SPMAP2L: variants seen among roughly 807,000 people sequenced by gnomAD.
SPMAP2L encodes sperm microtubule associated protein 2 like, also known as sperm microtubule associated protein 2-like.
At chr4:56,543,893 A>AGTGTGT in the SPMAP2L span, among the ~76,000 whole-genome samples, 5 of 132,378 alleles carry the variant, frequency 3.8e-5, no homozygotes, top group African/African-American at 1.3e-4. Flanking sequence ...AGAGAGAGAG[A>AGTGTGT]GAGTGTGTGT....
chr4:56,552,675 G>A, the SPMAP2L span: 5 of 918,634 alleles, frequency 5.4e-6, no homozygotes, highest in Admixed American at 4.0e-5. Context: ...AAACAGGTAA[G>A]TATTATTTAT....
the SPMAP2L span, among the ~76,000 whole-genome samples, chr4:56,549,522 G>T: frequency 6.6e-6 from 1 of 152,206 alleles, no homozygotes; most frequent in Non-Finnish European, 1.5e-5. Context: ...AAAAGTATAT[G>T]TGTACATGTG....
the SPMAP2L span, among the ~76,000 whole-genome samples, chr4:56,553,180 CTTTTTTTTTTTTTTT>C: frequency 1.7e-4 from 5 of 29,992 alleles, no homozygotes; most frequent in Non-Finnish European, 2.3e-4. Flanking sequence ...TCTCCTATTG[CTTTTTTTTTTTTTTT>C]TTTTTTTTTT....
chr4:56,619,868 T>TA, the SPMAP2L span, among the ~76,000 whole-genome samples: 20 of 147,978 alleles, frequency 1.4e-4, no homozygotes, highest in Non-Finnish European at 2.4e-4. Flanking sequence ...AACTCAATAC[T>TA]AAAAAAACAA....
At chr4:56,545,200 A>G in the SPMAP2L span, among the ~76,000 whole-genome samples, 1 of 152,212 alleles carries the variant, frequency 6.6e-6, no homozygotes, top group Non-Finnish European at 1.5e-5. Flanking sequence ...TTTCCCTGGT[A>G]GAAAGCTCTG....
At chr4:56,575,824 T>C in the SPMAP2L span, among the ~76,000 whole-genome samples, 2 of 152,186 alleles carry the variant, frequency 1.3e-5, no homozygotes, top group South Asian at 2.1e-4. Flanking sequence ...TCTTCGGTAA[T>C]TACATTTGAC....
At chr4:56,606,201 A>T in the SPMAP2L span, among the ~76,000 whole-genome samples, 1 of 152,344 alleles carries the variant, frequency 6.6e-6, no homozygotes. Context: ...ACCAAAGAGG[A>T]TACAGGAAGA....
At chr4:56,598,411 C>T in the SPMAP2L span, among the ~76,000 whole-genome samples, 4 of 152,064 alleles carry the variant, frequency 2.6e-5, no homozygotes, top group African/African-American at 9.7e-5. Context: ...AGTCAATAAA[C>T]AAAGTGATAA....
At chr4:56,536,922 C>G in the SPMAP2L span, among the ~76,000 whole-genome samples, 13 of 152,078 alleles carry the variant, frequency 8.5e-5, no homozygotes, top group Non-Finnish European at 2.9e-5. Flanking sequence ...CACCACCATG[C>G]CTGGCTAATT....
chr4:56,595,748 G>C, the SPMAP2L span: 1 of 862,376 alleles, frequency 1.2e-6, no homozygotes, highest in Non-Finnish European at 2.0e-6. Flanking sequence ...TTAAAGGACT[G>C]ATTTGGTGCC....
chr4:56,536,498 C>T, the SPMAP2L span, among the ~76,000 whole-genome samples: 10 of 152,184 alleles, frequency 6.6e-5, no homozygotes, highest in Non-Finnish European at 8.8e-5. Flanking sequence ...TACTCTTTTA[C>T]GTTAAGCTCT....
chr4:56,560,934 C>T, the SPMAP2L span, among the ~76,000 whole-genome samples: 1 of 150,654 alleles, frequency 6.6e-6, no homozygotes, highest in Non-Finnish European at 1.5e-5. Context: ...TTAGTAGAGA[C>T]AGAGTCTTGC....
chr4:56,555,871 T>C, the SPMAP2L span, among the ~76,000 whole-genome samples: 1 of 152,180 alleles, frequency 6.6e-6, no homozygotes, highest in Non-Finnish European at 1.5e-5. Flanking sequence ...GAAAATATAG[T>C]ATGCATTAAA....
At chr4:56,625,441 CA>C in the SPMAP2L span, among the ~76,000 whole-genome samples, 2 of 151,994 alleles carry the variant, frequency 1.3e-5, no homozygotes, top group Non-Finnish European at 2.9e-5. Context: ...TTGGAGGGGC[CA>C]GGGGCGGAAT....
the SPMAP2L span, among the ~76,000 whole-genome samples, chr4:56,575,882 G>C: frequency 1.3e-5 from 2 of 152,274 alleles, no homozygotes; most frequent in South Asian, 4.1e-4. Context: ...ACCATTGTTA[G>C]CCAGTTAAAA....
the SPMAP2L span, among the ~76,000 whole-genome samples, chr4:56,533,883 T>C: frequency 6.6e-6 from 1 of 152,076 alleles, no homozygotes; most frequent in Admixed American, 6.6e-5. Flanking sequence ...ACTCAGCAGT[T>C]TGAGGCAACA....
chr4:56,570,148 C>T, the SPMAP2L span, among the ~76,000 whole-genome samples: 2 of 152,168 alleles, frequency 1.3e-5, no homozygotes, highest in South Asian at 4.1e-4. Flanking sequence ...TAAGTCTCAG[C>T]CTAGGTCTCA....
At chr4:56,540,525 A>C in the SPMAP2L span, among the ~76,000 whole-genome samples, 1 of 152,164 alleles carries the variant, frequency 6.6e-6, no homozygotes, top group Admixed American at 6.5e-5. Context: ...CCTGGGTGAC[A>C]GAGTGAGACT....
At chr4:56,541,823 T>G in the SPMAP2L span, among the ~76,000 whole-genome samples, 1 of 152,274 alleles carries the variant, frequency 6.6e-6, no homozygotes, top group African/African-American at 2.4e-5. Flanking sequence ...TCTTTCTTTC[T>G]TTTTTCTATA....
Sources: gnomAD v4.1 joint callset for allele counts (sites outside exome capture counted in the v4.1 genomes callset) on GRCh38, gnomAD v4.1.1 for gene constraint, MANE v1.5 for transcripts, NCBI Gene and HGNC (gene_info 2026-07-23, HGNC 2026-07-21) for gene names.